The following MLLT10 variants were observed in gnomAD, a reference collection of about 807,000 sequenced individuals.
The protein encoded by MLLT10 is protein AF-10.
A neutral mutation model predicts 129.1 loss-of-function variants in MLLT10; 30 were observed. That is an observed-to-expected ratio of 0.23 (90% CI 0.17 to 0.32). MLLT10 has a LOEUF of 0.32. MLLT10 is among the 10% of genes least tolerant of loss of function. The pLI is 1.00. For missense variants in MLLT10, 1,119 were observed against 1,268.3 expected, an observed-to-expected ratio of 0.88 and a Z score of 1.79; for synonymous variants, 490 against 446.4, an observed-to-expected ratio of 1.10 and a Z score of -1.23.
intron 9 of MLLT10, among the ~76,000 whole-genome samples, chr10:21,664,948 T>C (rs571300660): frequency 7.1e-5 from 10 of 140,338 alleles, no homozygotes; most frequent in East Asian, 2.0e-4. Context: ...TCTTTTCTTT[T>C]TTTTTTTTTT....
chr10:21,678,398 C>T (rs1441468824), intron 11 of MLLT10, among the ~76,000 whole-genome samples: 1 of 152,126 alleles, frequency 6.6e-6, no homozygotes, highest in Admixed American at 6.5e-5. Context: ...CCACTGGGCC[C>T]AGCTATTTTT....
intron 9 of MLLT10, among the ~76,000 whole-genome samples, chr10:21,653,733 A>G (rs981782320): frequency 6.6e-6 from 1 of 152,178 alleles, no homozygotes; most frequent in African/African-American, 2.4e-5. Context: ...TGGCGTTGAG[A>G]TGTATCTATT....
In MLLT10 at chr10:21,617,182, A is replaced by G. The variant is rs773043206; in HGVS notation, c.674A>G (p.Asp225Gly). The change falls in exon 8 of 23, where the codon GAT becomes GGT. Residue 225 changes from aspartate to glycine, a missense_variant. By Grantham distance (94) the Asp-to-Gly change is moderately conservative (BLOSUM62 -1). Coordinates refer to ENST00000307729, the MANE Select transcript of MLLT10 (RefSeq NM_001195626.3). ...SLSDSSSHSQ[D>G]KHHEKEKKKY... Reference sequence around the variant, plus strand: ...AGTGATTCTTCCTCTCACTCTCAGGATAAACATCATGAGAAAGAGAAAAAA... The same window carrying G: ...AGTGATTCTTCCTCTCACTCTCAGGGTAAACATCATGAGAAAGAGAAAAAA... The G allele has an allele frequency of 9.2e-6, 14 of 1,528,476 alleles. No individual in the cohort carries two copies. The highest frequency in any genetic ancestry group is 1.8e-4 in the Middle Eastern group (1 of 5,688). The allele number at this position is 1,528,476 out of a possible 1,614,324, so 94.7% of individuals were successfully genotyped here. A position where few individuals can be genotyped will look rare whatever the true frequency, so the allele number is the denominator to read the frequency against.
chr10:21,534,930 CGCGGCGGGGCGCGGGGGGTGT>C (rs1025379191), intron 2 of MLLT10, 126 bp downstream of exon 2: 2 of 512,236 alleles, frequency 3.9e-6, no homozygotes, highest in African/African-American at 2.1e-5. Context: ...GCGGAGGGTC[CGCGGCGGGGCGCGGGGGGTGT>C]GGGCCGCGCA....
chr10:21,640,915 G>C (rs2047938367), intron 8 of MLLT10, among the ~76,000 whole-genome samples: 1 of 152,162 alleles, frequency 6.6e-6, no homozygotes, highest in Admixed American at 6.5e-5. Flanking sequence ...CAGGGGCTTA[G>C]GTTTCTTCCA....
At chr10:21,642,813 C>T (rs924181964) in intron 8 of MLLT10, among the ~76,000 whole-genome samples, 2 of 152,134 alleles carry the variant, frequency 1.3e-5, no homozygotes, top group Non-Finnish European at 2.9e-5. Context: ...GGAATAGATA[C>T]ACTTTTATGA....
chr10:21,611,550 T>A (rs1477058291), intron 5 of MLLT10, among the ~76,000 whole-genome samples: 1 of 152,194 alleles, frequency 6.6e-6, no homozygotes, highest in African/African-American at 2.4e-5. Flanking sequence ...ACTTTTTGTA[T>A]CCTCAACTTG....
rs529206531 is a variant in MLLT10 at position 21,727,573 on chromosome 10, C to T, written c.1991-283C>T. ...ATTAAAAGTGGCTGAGGGGAGGGTACAGCAAATGCAAACCACGCTTCTGTG... is the reference window on the plus strand; with the variant it reads ...ATTAAAAGTGGCTGAGGGGAGGGTATAGCAAATGCAAACCACGCTTCTGTG... On this transcript the variant is annotated intron_variant, in intron 15 of 22. Coordinates refer to ENST00000307729, the MANE Select transcript of MLLT10 (RefSeq NM_001195626.3). Among the ~76,000 whole-genome samples, 14 of 152,198 alleles carry T rather than the reference C, an allele frequency of 9.2e-5. No individual in the cohort carries two copies. The South Asian group carries it at 1.9e-3, about 20-fold the overall frequency.
intron 13 of MLLT10, among the ~76,000 whole-genome samples, chr10:21,692,001 CAAAAAAAAAA>C (rs929971187): frequency 8.0e-5 from 4 of 50,174 alleles, no homozygotes; most frequent in Non-Finnish European, 1.4e-4. Context: ...CTCATATCTA[CAAAAAAAAAA>C]AAAAAAAAAA....
chr10:21,733,731 G>A, intron 19 of MLLT10, 37 bp from the exon 20 acceptor site: 4 of 1,570,398 alleles, frequency 2.5e-6, no homozygotes, highest in Non-Finnish European at 2.6e-6. Flanking sequence ...GGGACTTAAT[G>A]TCCAGTGGAC....
chr10:21,576,914 G>A (rs999940485), intron 3 of MLLT10, among the ~76,000 whole-genome samples: 2 of 151,934 alleles, frequency 1.3e-5, no homozygotes, highest in African/African-American at 4.8e-5. Context: ...TACAGGCGTG[G>A]GCCACTGCGC....
chr10:21,603,002 G>A (rs1375233759), intron 5 of MLLT10, among the ~76,000 whole-genome samples: 2 of 151,920 alleles, frequency 1.3e-5, no homozygotes, highest in Non-Finnish European at 2.9e-5. Context: ...AAAGTGCTGG[G>A]ATTACAGGCG....
intron 9 of MLLT10, among the ~76,000 whole-genome samples, chr10:21,663,426 G>T (rs2050417861): frequency 6.6e-6 from 1 of 151,720 alleles, no homozygotes. Context: ...GCCCAGGCTG[G>T]AGTGCAATGG....
intron 3 of MLLT10, among the ~76,000 whole-genome samples, chr10:21,539,496 G>A (rs1305260759): frequency 5.3e-5 from 8 of 151,206 alleles, no homozygotes; most frequent in South Asian, 2.1e-4. Context: ...AGGAGGTGCC[G>A]GGTGCAGTGG....
intron 21 of MLLT10, chr10:21,738,476 A>G: frequency 6.2e-6 from 8 of 1,288,932 alleles, no homozygotes; most frequent in Non-Finnish European, 8.1e-6. Context: ...GGAGACCATG[A>G]GGACTAAAGG....
intron 14 of MLLT10, among the ~76,000 whole-genome samples, chr10:21,718,590 C>G (rs923240787): frequency 2.6e-5 from 4 of 152,160 alleles, no homozygotes; most frequent in Non-Finnish European, 5.9e-5. Flanking sequence ...ATGTGATAAT[C>G]ATGGCTTCTT....
At chr10:21,739,949 A>C (rs1364193398) in intron 21 of MLLT10, 81 bp from the exon 22 acceptor site, 1 of 1,109,772 alleles carries the variant, frequency 9.0e-7, no homozygotes, top group African/African-American at 1.6e-5. Flanking sequence ...ATATTAAAGG[A>C]AAGAAAACAT....
At chr10:21,549,885 C>T (rs903211589) in intron 3 of MLLT10, among the ~76,000 whole-genome samples, 6 of 151,990 alleles carry the variant, frequency 3.9e-5, no homozygotes, top group Non-Finnish European at 8.8e-5. Flanking sequence ...GTGATCTGCC[C>T]GCCTTGGCCT....
rs539369038 is a variant in MLLT10, at chr10:21,604,862, A to T, written c.406-7486A>T. Among the ~76,000 whole-genome samples the T allele has an allele frequency of 6.5e-3, 907 of 140,026 alleles. 2 individuals carry two copies. Among genetic ancestry groups the T allele is most frequent in the South Asian group, 0.02 (89 of 4,438 alleles). 91.9% of individuals were successfully genotyped at this position (140,026 alleles called of 152,430 possible). ...TTGGTCCTGGATTGGCAGCCTGCCC[A>T]TTTTTTTTTTTTCTTATGACTGCTT... On this transcript the variant is annotated intron_variant, in intron 5 of 22. Coordinates refer to ENST00000307729, the MANE Select transcript of MLLT10 (RefSeq NM_001195626.3).
Sources: allele counts gnomAD v4.1 joint callset (sites outside exome capture counted in the v4.1 genomes callset), GRCh38; gene constraint gnomAD v4.1.1; transcripts MANE v1.5; gene names NCBI Gene and HGNC (gene_info 2026-07-23, HGNC 2026-07-21).